Variants in B4GALNT3 observed in about 807,000 individuals in gnomAD.
B4GALNT3 encodes the protein beta-1,4-N-acetyl-galactosaminyltransferase 3, also known as beta-1,4-N-acetylgalactosaminyltransferase 3.
In B4GALNT3, 86 loss-of-function variants were observed where a neutral mutation model predicts 120.2. The ratio of observed to expected loss-of-function variants is 0.72; its 90% CI spans 0.60 to 0.86. The LOEUF (loss-of-function observed/expected upper bound fraction) is 0.86. Ranked by LOEUF, B4GALNT3 falls within the 40% of genes least tolerant of loss-of-function variation. B4GALNT3 has a pLI of 0.00. For missense variants in B4GALNT3, 1,167 were observed against 1,298.9 expected (o/e 0.90, Z 1.56); for synonymous variants, 518 against 510.4 (o/e 1.01, Z -0.20).
At position 553,397 on chromosome 12, in the gene B4GALNT3, A is replaced by G; in HGVS notation, c.1474A>G (p.Lys492Glu). The change falls in exon 14 of 20, where the codon AAG becomes GAG. Residue 492 changes from lysine to glutamate, a missense_variant. Coordinates refer to ENST00000266383, the MANE Select transcript of B4GALNT3 (RefSeq NM_173593.4). ...GGAGGGCCTGCTGGCCCCCTTCTCC[A>G]AGCGGAACTCCACAGCGTCCTTCCC... ...PREGLLAPFS[K>E]RNSTASFPGR... is the part of the protein sequence containing the mutation. 1 of 1,613,860 alleles carries G rather than the reference A, an allele frequency of 6.2e-7. No homozygotes were observed.
At position 544,770 on chromosome 12, in the gene B4GALNT3, A is replaced by G. The variant is rs944331557; in HGVS notation, c.448-112A>G. 6.6e-6 allele frequency: 7 copies of G among 1,064,294 alleles called. No individual in the cohort carries two copies. In the African/African-American group the frequency reaches 1.1e-4, roughly 17 times the overall value. The allele number at this position is 1,064,294 out of a possible 1,614,324, so 65.9% of individuals were successfully genotyped here. A position where few individuals can be genotyped will look rare whatever the true frequency, so the allele number is the denominator to read the frequency against. ...GAGCCTGCACTCCACTCACAAAGCC[A>G]CAGCCCTGGTCCCTCCTGTCATAGT... On this transcript the variant is annotated intron_variant, in intron 4 of 19. Coordinates refer to ENST00000266383, the MANE Select transcript of B4GALNT3 (RefSeq NM_173593.4).
intron 1 of B4GALNT3, among the ~76,000 whole-genome samples, chr12:533,668 G>A (rs1444352007): frequency 6.6e-6 from 1 of 152,088 alleles, no homozygotes; most frequent in Non-Finnish European, 1.5e-5. Context: ...GACTCGGAGC[G>A]CTCTTTCCCT....
chr12:491,465 G>A (rs1310502829), intron 1 of B4GALNT3, among the ~76,000 whole-genome samples: 1 of 151,790 alleles, frequency 6.6e-6, no homozygotes, highest in Non-Finnish European at 1.5e-5. Context: ...GAGTAGCTGA[G>A]ATTACAGGCG....
intron 1 of B4GALNT3, among the ~76,000 whole-genome samples, chr12:531,685 A>G (rs1021146670): frequency 2.9e-4 from 44 of 152,274 alleles, no homozygotes; most frequent in African/African-American, 1.0e-3. Flanking sequence ...GAAAAGAGTC[A>G]GAGAGATACT....
At position 553,191 on chromosome 12, in the gene B4GALNT3, C is replaced by T. The variant is rs774387321; in HGVS notation, c.1271-3C>T. 1.2e-6 allele frequency: 2 copies of T among 1,608,430 alleles called. No individual in the cohort carries two copies. Among genetic ancestry groups the T allele is most frequent in the East Asian group, 2.2e-5 (1 of 44,724 alleles). On this transcript the variant is annotated splice_polypyrimidine_tract_variant and splice_region_variant and intron_variant, in intron 13 of 19. Coordinates refer to ENST00000266383, the MANE Select transcript of B4GALNT3 (RefSeq NM_173593.4). ...CATGAGGAATGGTTGTTATTAATAG[C>T]AGGTTTTGAGGAAAACCTTCTAGAA...
intron 3 of B4GALNT3, chr12:543,223 T>G (rs1333488373): frequency 7.8e-7 from 1 of 1,283,848 alleles, no homozygotes; most frequent in Middle Eastern, 2.1e-4. Context: ...AAAGAAGTGC[T>G]GGGTGCTGGG....
Position 563,484 on chromosome 12 carries a change from A to G in B4GALNT3, c.*2033A>G, listed in dbSNP as rs1467238019. On this transcript the variant is annotated 3_prime_UTR_variant, in exon 20 of 20. Transcript: ENST00000266383. ...GATGGTGGGAGGGGAAGCATTAAAT[A>G]CAGCAACTTCTTAGAAAAAAAAAAA... 2 of 150,708 alleles carry G rather than the reference A, an allele frequency of 1.3e-5. No homozygotes were observed. The highest frequency in any genetic ancestry group is 3.9e-4 in the East Asian group (2 of 5,186). The allele number at this position is 150,708 out of a possible 1,614,324, so 9.3% of individuals were successfully genotyped here. A position where few individuals can be genotyped will look rare whatever the true frequency, so the allele number is the denominator to read the frequency against.
rs961677780 is a variant in B4GALNT3 at position 477,228 on chromosome 12, G to A, written c.169+16683G>A. ...CCTCCTTTTAACATCTGAGTTTCAC[G>A]AGGTCAGGGAAGATCCTTTCTTTTT... On this transcript the variant is annotated intron_variant, in intron 1 of 19. Coordinates refer to ENST00000266383, the MANE Select transcript of B4GALNT3 (RefSeq NM_173593.4). Among the ~76,000 whole-genome samples, 5 of 152,106 alleles carry A rather than the reference G, an allele frequency of 3.3e-5. No individual in the cohort carries two copies. In the East Asian group the frequency reaches 7.7e-4, roughly 23 times the overall value.
At chr12:546,962 C>T (rs1263467232) in intron 7 of B4GALNT3, 2 of 533,430 alleles carry the variant, frequency 3.7e-6, no homozygotes, top group Non-Finnish European at 3.4e-6. Flanking sequence ...ACACGCGGGA[C>T]TGGAAAATAG....
At chr12:503,837 G>T (rs191784980) in intron 1 of B4GALNT3, among the ~76,000 whole-genome samples, 3 of 152,262 alleles carry the variant, frequency 2.0e-5, no homozygotes, top group Non-Finnish European at 4.4e-5. Context: ...AAAAGTGGCC[G>T]GGCATGGTGG....
rs762074881 is a variant in B4GALNT3, at chr12:558,710, G to A, written c.2761+49G>A. ...GGGAGGAAAGACTTCTCTGATCTTG[G>A]CTCTTAACTCCAGAGCTGGGAACAG... On this transcript the variant is annotated intron_variant, in intron 18 of 19. Coordinates refer to ENST00000266383, the MANE Select transcript of B4GALNT3 (RefSeq NM_173593.4). The A allele has an allele frequency of 2.8e-5, 45 of 1,588,934 alleles. No homozygotes were observed. In the East Asian group the frequency reaches 7.0e-4, roughly 25 times the overall value.
In B4GALNT3 at chr12:561,488, T is replaced by C. The variant is rs1378192629; in HGVS notation, c.*37T>C. 3.3e-6 allele frequency: 5 copies of C among 1,511,656 alleles called. No individual in the cohort carries two copies. The highest frequency in any genetic ancestry group is 4.5e-6 in the Non-Finnish European group (5 of 1,099,284). The allele number at this position is 1,511,656 out of a possible 1,614,324, so 93.6% of individuals were successfully genotyped here. A position where few individuals can be genotyped will look rare whatever the true frequency, so the allele number is the denominator to read the frequency against. The stretch of plus-strand genomic sequence containing the variant: ...CCGCGGGGCCCAGCACTCCCCGCTC[T>C]GGACTAGCAGTGGCTCCCCAGGGCC... On this transcript the variant is annotated 3_prime_UTR_variant, in exon 20 of 20. Transcript: ENST00000266383.
chr12:558,916 T>C (rs548649433), intron 18 of B4GALNT3, among the ~76,000 whole-genome samples: 6 of 151,592 alleles, frequency 4.0e-5, no homozygotes, highest in South Asian at 2.1e-4. Flanking sequence ...ACACACTTAC[T>C]AAGCACTGCT....
chr12:473,837 C>T (rs11063139), intron 1 of B4GALNT3, among the ~76,000 whole-genome samples: 6,538 of 152,084 alleles, frequency 0.043, 374 homozygotes, highest in African/African-American at 0.12. Context: ...AGGATAATCG[C>T]GTAAACAAAC....
At chr12:508,311 C>T (rs1946517192) in intron 1 of B4GALNT3, among the ~76,000 whole-genome samples, 1 of 152,136 alleles carries the variant, frequency 6.6e-6, no homozygotes, top group Admixed American at 6.5e-5. Flanking sequence ...TGCTCCATCA[C>T]CCAGGCCACC....
intron 1 of B4GALNT3, among the ~76,000 whole-genome samples, chr12:508,925 G>A (rs968127408): frequency 6.6e-6 from 1 of 152,238 alleles, no homozygotes; most frequent in African/African-American, 2.4e-5. Context: ...CACCTTGTGA[G>A]GTTGGCAGGA....
chr12:529,439 C>T (rs569121529), intron 1 of B4GALNT3, among the ~76,000 whole-genome samples: 19 of 152,306 alleles, frequency 1.2e-4, no homozygotes, highest in African/African-American at 1.4e-4. Flanking sequence ...GGGCAACGTT[C>T]GTTTCCACAC....
At chr12:523,361 A>G (rs1356678195) in intron 1 of B4GALNT3, among the ~76,000 whole-genome samples, 23 of 152,216 alleles carry the variant, frequency 1.5e-4, no homozygotes, top group Admixed American at 1.4e-3. Flanking sequence ...AGGCCCAGGC[A>G]ATTTAATCCT....
At chr12:494,293 G>GAAAA (rs11412767) in intron 1 of B4GALNT3, among the ~76,000 whole-genome samples, 3 of 139,698 alleles carry the variant, frequency 2.1e-5, no homozygotes, top group Non-Finnish European at 4.6e-5. Flanking sequence ...TACCTTGAAA[G>GAAAA]AAAAAAAAAA....
Sources: gnomAD v4.1 joint callset for allele counts (sites outside exome capture counted in the v4.1 genomes callset) on GRCh38, gnomAD v4.1.1 for gene constraint, MANE v1.5 for transcripts, NCBI Gene and HGNC (gene_info 2026-07-23, HGNC 2026-07-21) for gene names.